Variants in POC1B observed in about 807,000 individuals in gnomAD.
POC1B encodes POC1 centriolar protein homolog B.
In POC1B, 44 loss-of-function variants were observed where a neutral mutation model predicts 60.6. The ratio of observed to expected loss-of-function variants is 0.73; its 90% CI spans 0.57 to 0.93. The LOEUF is 0.93. Ranked by LOEUF, POC1B falls within the 40% of genes least tolerant of loss-of-function variation. The probability of loss-of-function intolerance (pLI) is 0.00; values close to 1 mark genes in which losing one functional copy is unlikely to be tolerated. For missense variants in POC1B, 555 were observed against 572.3 expected, an observed-to-expected ratio of 0.97 and a Z score of 0.31; for synonymous variants, 180 against 198.9, an observed-to-expected ratio of 0.90 and a Z score of 0.80.
chr12:89,481,017 T>A (rs541306627), intron 4 of POC1B, among the ~76,000 whole-genome samples: 1 of 152,192 alleles, frequency 6.6e-6, no homozygotes, highest in African/African-American at 2.4e-5. Flanking sequence ...ATTACAGGTG[T>A]GAGCCACCTG....
chr12:89,467,819 T>C, intron 7 of POC1B, 134 bp from the exon 8 acceptor site: 1 of 514,508 alleles, frequency 1.9e-6, no homozygotes, highest in Non-Finnish European at 3.3e-6. Flanking sequence ...AACACATCAG[T>C]TGCTAGCAAC....
Position 89,421,055 on chromosome 12 carries a change from G to C in POC1B, c.*98C>G. 1 of 877,176 alleles carries C rather than the reference G, an allele frequency of 1.1e-6. No homozygotes were observed. Among genetic ancestry groups the C allele is most frequent in the Non-Finnish European group, 1.7e-6 (1 of 583,206 alleles). The allele number at this position is 877,176 out of a possible 1,614,324, so 54.3% of individuals were successfully genotyped here. ...GAAATGCCATGATAAATAGCACATG[G>C]TTGTGTTGTATGGAGTATCTTGTAC... On this transcript the variant is annotated 3_prime_UTR_variant, in exon 12 of 12. Transcript: ENST00000313546.
At chr12:89,488,139 TTA>T (rs1385296068) in intron 4 of POC1B, among the ~76,000 whole-genome samples, 2 of 141,342 alleles carry the variant, frequency 1.4e-5, no homozygotes, top group African/African-American at 2.7e-5. Flanking sequence ...GATAAAAGAC[TTA>T]TATATAGATG....
intron 10 of POC1B, among the ~76,000 whole-genome samples, chr12:89,440,600 A>T (rs1881469889): frequency 6.6e-6 from 1 of 152,206 alleles, no homozygotes; most frequent in African/African-American, 2.4e-5. Flanking sequence ...TTTCAGCCTG[A>T]CCAATATGGA....
chr12:89,523,277 C>T, intron 2 of POC1B: 2 of 1,614,042 alleles, frequency 1.2e-6, no homozygotes, highest in South Asian at 1.1e-5. Flanking sequence ...AAATACCAGT[C>T]AAAGCTCTTG....
intron 2 of POC1B, among the ~76,000 whole-genome samples, chr12:89,507,397 G>A (rs1869960231): frequency 6.6e-6 from 1 of 151,372 alleles, no homozygotes; most frequent in East Asian, 1.9e-4. Flanking sequence ...AATGTATTTG[G>A]TTATTGATGT....
intron 2 of POC1B, chr12:89,524,361 A>G: frequency 6.2e-7 from 1 of 1,614,020 alleles, no homozygotes; most frequent in Non-Finnish European, 8.5e-7. Flanking sequence ...GCTTCTTATA[A>G]AGCGGTCGAG....
chr12:89,459,558 AT>A lies in POC1B; in HGVS notation c.1113+79del, dbSNP rs935705521. 8.4e-6 allele frequency: 7 copies of A among 836,044 alleles called. No homozygotes were observed. The African/African-American group carries it at 1.3e-4, about 15-fold the overall frequency. The allele number at this position is 836,044 out of a possible 1,614,324, so 51.8% of individuals were successfully genotyped here. A position where few individuals can be genotyped will look rare whatever the true frequency, so the allele number is the denominator to read the frequency against. The stretch of plus-strand genomic sequence containing the variant: ...GCCACGTTTTATCTCCTCCCCCAAC[AT>A]TTTTTAAAGGAAAATGGATTATGCC... On this transcript the variant is annotated intron_variant, in intron 10 of 11. Coordinates refer to ENST00000313546, the MANE Select transcript of POC1B (RefSeq NM_172240.3).
chr12:89,473,768 T>C (rs1221930729), intron 4 of POC1B, among the ~76,000 whole-genome samples: 1 of 151,532 alleles, frequency 6.6e-6, no homozygotes, highest in East Asian at 1.9e-4. Flanking sequence ...AATTTATTAA[T>C]ATTTTCTTTC....
chr12:89,476,700 AGATAGATAGATAGATAGATAGAT>A (rs905411605), intron 4 of POC1B, among the ~76,000 whole-genome samples: 1 of 23,708 alleles, frequency 4.2e-5, no homozygotes, highest in Non-Finnish European at 1.1e-4. Context: ...CTGTCTCAAT[AGATAGATAGATAGATAGATAGAT>A]AGATAGATAG....
chr12:89,423,775 G>A (rs1234178906), intron 11 of POC1B, among the ~76,000 whole-genome samples: 1 of 152,124 alleles, frequency 6.6e-6, no homozygotes, highest in Non-Finnish European at 1.5e-5. Flanking sequence ...AAATCATAGA[G>A]AAATTCAGTA....
chr12:89,482,712 T>C (rs1411668143), intron 4 of POC1B, among the ~76,000 whole-genome samples: 2 of 152,170 alleles, frequency 1.3e-5, no homozygotes, highest in Non-Finnish European at 2.9e-5. Flanking sequence ...GGGTAGCATA[T>C]AAACAACAGA....
chr12:89,501,114 C>T, intron 2 of POC1B: 1 of 1,278,326 alleles, frequency 7.8e-7, no homozygotes, highest in Non-Finnish European at 1.1e-6. Flanking sequence ...CGGCTGAGAG[C>T]ACTGCACTCC....
intron 2 of POC1B, among the ~76,000 whole-genome samples, chr12:89,508,551 T>G (rs1870017486): frequency 6.6e-6 from 1 of 152,256 alleles, no homozygotes; most frequent in Admixed American, 6.5e-5. Context: ...TTTACTTTGA[T>G]TGCTTGGTTT....
intron 3 of POC1B, among the ~76,000 whole-genome samples, chr12:89,494,573 T>C (rs1334090932): frequency 6.6e-6 from 1 of 152,224 alleles, no homozygotes; most frequent in East Asian, 1.9e-4. Context: ...CGCATGTCTC[T>C]CTGCTTCAAA....
At position 89,464,169 on chromosome 12, in the gene POC1B, C is replaced by T. The variant is rs923314045; in HGVS notation, c.1032+2601G>A. On this transcript the variant is annotated intron_variant, in intron 9 of 11. Transcript: ENST00000313546. ...TAATACTGACCTCAAAAAAAGATTT[C>T]TTAGTTTTAAAATATTTCCCAAGTA... Among the ~76,000 whole-genome samples the T allele has an allele frequency of 3.3e-5, 5 of 152,074 alleles. No individual in the cohort carries two copies. In the East Asian group the frequency reaches 9.6e-4, roughly 29 times the overall value.
chr12:89,525,324 G>C, intron 1 of POC1B, 120 bp from the exon 2 acceptor site: 3 of 1,451,282 alleles, frequency 2.1e-6, no homozygotes, highest in Non-Finnish European at 2.7e-6. Context: ...GCGGCGGCTT[G>C]GCTGGGCGGC....
chr12:89,424,748 A>G (rs187038373), intron 11 of POC1B, among the ~76,000 whole-genome samples: 79 of 152,344 alleles, frequency 5.2e-4, no homozygotes, highest in Non-Finnish European at 1.1e-3. Context: ...TAACATGGGA[A>G]TGCAAAACCA....
At chr12:89,422,583 G>A (rs1880586057) in intron 11 of POC1B, among the ~76,000 whole-genome samples, 1 of 152,180 alleles carries the variant, frequency 6.6e-6, no homozygotes. Flanking sequence ...CCTATTCTCT[G>A]ATTAGAAGGC....
Sources: gnomAD v4.1 joint callset for allele counts (sites outside exome capture counted in the v4.1 genomes callset) on GRCh38, gnomAD v4.1.1 for gene constraint, MANE v1.5 for transcripts, NCBI Gene and HGNC (gene_info 2026-07-23, HGNC 2026-07-21) for gene names.